PKNOX2: variants seen among roughly 807,000 people sequenced by gnomAD.
PKNOX2 encodes the protein homeobox protein PKNOX2.
Under a neutral mutation model 53.1 loss-of-function variants are expected in PKNOX2, and 14 were observed. That is an observed-to-expected ratio of 0.26 (90% CI 0.17 to 0.41). The LOEUF is 0.41. PKNOX2 is among the 10% of genes least tolerant of loss of function. The pLI, the probability that PKNOX2 is intolerant of heterozygous loss-of-function variation, is 1.00. For synonymous variants in PKNOX2, 257 were observed against 242.8 expected (o/e 1.06, Z -0.54); for missense variants, 496 against 602.8 (o/e 0.82, Z 1.85).
At chr11:125,190,438 AT>A (rs1217861716) in intron 1 of PKNOX2, among the ~76,000 whole-genome samples, 2 of 152,046 alleles carry the variant, frequency 1.3e-5, no homozygotes, top group African/African-American at 4.8e-5. Flanking sequence ...CTTACTTCCT[AT>A]TCGTTCTGCG....
At chr11:125,406,519 A>C (rs1955110175) in intron 7 of PKNOX2, among the ~76,000 whole-genome samples, 2 of 152,300 alleles carry the variant, frequency 1.3e-5, no homozygotes, top group African/African-American at 4.8e-5. Context: ...TCCCTAGTTG[A>C]GTGACCTTAG....
At chr11:125,406,211 G>A (rs2135513110) in intron 7 of PKNOX2, among the ~76,000 whole-genome samples, 1 of 152,286 alleles carries the variant, frequency 6.6e-6, no homozygotes, top group South Asian at 2.1e-4. Flanking sequence ...CGCTGCTCTG[G>A]AAGTTCCTTC....
At chr11:125,294,517 G>A (rs377611324) in intron 2 of PKNOX2, among the ~76,000 whole-genome samples, 1 of 152,220 alleles carries the variant, frequency 6.6e-6, no homozygotes, top group Non-Finnish European at 1.5e-5. Context: ...GGAGGCAGAG[G>A]TTAGGGGACA....
At chr11:125,263,880 G>A (rs1945090923) in intron 2 of PKNOX2, among the ~76,000 whole-genome samples, 1 of 152,184 alleles carries the variant, frequency 6.6e-6, no homozygotes, top group South Asian at 2.1e-4. Flanking sequence ...GTTCAGAGCT[G>A]GGAGGACAAA....
At chr11:125,207,206 T>C (rs1240544729) in intron 1 of PKNOX2, among the ~76,000 whole-genome samples, 1 of 152,022 alleles carries the variant, frequency 6.6e-6, no homozygotes. Flanking sequence ...TCTCTCTCTT[T>C]CCCTTCCTTC....
chr11:125,303,279 T>C (rs1948199273), intron 2 of PKNOX2, among the ~76,000 whole-genome samples: 1 of 152,254 alleles, frequency 6.6e-6, no homozygotes, highest in Admixed American at 6.5e-5. Flanking sequence ...CCTGAAGGGA[T>C]GCAGGCAAGT....
chr11:125,186,116 T>C (rs571054066), intron 1 of PKNOX2, among the ~76,000 whole-genome samples: 1 of 178 alleles, frequency 5.6e-3, no homozygotes, highest in Admixed American at 0.062. Context: ...GGTATCTCGT[T>C]ATGGTTTGAT....
At chr11:125,343,907 G>C (rs867453753) in intron 3 of PKNOX2, among the ~76,000 whole-genome samples, 98 of 152,316 alleles carry the variant, frequency 6.4e-4, no homozygotes, top group African/African-American at 5.8e-4. Flanking sequence ...TGGAACTCTG[G>C]CTTCTGTGTG....
chr11:125,378,234 C>T (rs763291584), intron 5 of PKNOX2, among the ~76,000 whole-genome samples: 6 of 152,184 alleles, frequency 3.9e-5, no homozygotes, highest in Non-Finnish European at 5.9e-5. Flanking sequence ...CACTGTGTGC[C>T]GGTAGGGCAT....
intron 1 of PKNOX2, among the ~76,000 whole-genome samples, chr11:125,176,791 C>T (rs2135237170): frequency 6.6e-6 from 1 of 152,298 alleles, no homozygotes; most frequent in Non-Finnish European, 1.5e-5. Context: ...CAGCTGGGCA[C>T]CAGGAGAATG....
At position 125,287,005 on chromosome 11, in the gene PKNOX2, T is replaced by G. The variant is rs982551917; in HGVS notation, c.-129-44814T>G. ...TGGGATCCTGCAGCTCACTTGATCC[T>G]CCAGCTTCTGAGGTCTCTGATGCCT... On this transcript the variant is annotated intron_variant, in intron 2 of 12. Transcript: ENST00000298282. Among the ~76,000 whole-genome samples the G allele has an allele frequency of 2.6e-5, 4 of 152,336 alleles. No homozygotes were observed. In the East Asian group the frequency reaches 5.8e-4, roughly 22 times the overall value.
rs189447904 is a variant in PKNOX2 at position 125,426,527 on chromosome 11, C to T, written c.937-2485C>T. ...TAGCTCTGCTCAAGAAACAAGTCTG[C>T]GTCTCCTTATTGTGCTAGTTCATTC... On this transcript the variant is annotated intron_variant, in intron 10 of 12. Transcript: ENST00000298282. 8.9e-4 allele frequency among the ~76,000 whole-genome samples: 135 copies of T among 152,150 alleles called. 1 individual carries two copies. The highest frequency in any genetic ancestry group is 3.1e-3 in the African/African-American group (129 of 41,538).
rs80255354 is a variant in PKNOX2 at position 125,401,613 on chromosome 11, T to C, written c.588+3551T>C. Among the ~76,000 whole-genome samples, 926 of 152,316 alleles carry C rather than the reference T, an allele frequency of 6.1e-3. 7 individuals carry two copies. Among genetic ancestry groups the C allele is most frequent in the African/African-American group, 0.021 (892 of 41,568 alleles). On this transcript the variant is annotated intron_variant, in intron 7 of 12. Transcript: ENST00000298282. ...TTCCCAGGACAGGCCCCTGTCATTA[T>C]TGCACTAAGGTAGGGGCCGGGCTTG...
intron 2 of PKNOX2, among the ~76,000 whole-genome samples, chr11:125,278,973 C>A (rs992538701): frequency 6.6e-6 from 1 of 152,180 alleles, no homozygotes; most frequent in Non-Finnish European, 1.5e-5. Context: ...GTTTTCCCAG[C>A]CTGGCTGAGC....
At chr11:125,228,338 T>C (rs1326564472) in intron 1 of PKNOX2, among the ~76,000 whole-genome samples, 1 of 152,222 alleles carries the variant, frequency 6.6e-6, no homozygotes, top group Non-Finnish European at 1.5e-5. Flanking sequence ...GGCTACCTTA[T>C]TGCACCATGC....
At chr11:125,380,413 G>A (rs1397955110) in intron 5 of PKNOX2, among the ~76,000 whole-genome samples, 1 of 152,116 alleles carries the variant, frequency 6.6e-6, no homozygotes, top group Non-Finnish European at 1.5e-5. Context: ...GGGGCGGTCG[G>A]GAGGGAGGCG....
At chr11:125,384,096 TG>T (rs1398317790) in intron 5 of PKNOX2, among the ~76,000 whole-genome samples, 2 of 152,248 alleles carry the variant, frequency 1.3e-5, no homozygotes, top group East Asian at 3.8e-4. Context: ...TGCACTCGCA[TG>T]CACACATACT....
intron 1 of PKNOX2, among the ~76,000 whole-genome samples, chr11:125,223,235 C>CTT (rs113417834): frequency 2.1e-5 from 3 of 145,302 alleles, no homozygotes; most frequent in South Asian, 2.2e-4. Flanking sequence ...TCTTTTAGTC[C>CTT]TTTTTTTTTT....
intron 2 of PKNOX2, among the ~76,000 whole-genome samples, chr11:125,278,299 A>T (rs1946319259): frequency 6.6e-6 from 1 of 152,050 alleles, no homozygotes. Flanking sequence ...GAGACATAAG[A>T]GACAAAGCTG....
Sources: allele counts gnomAD v4.1 joint callset (sites outside exome capture counted in the v4.1 genomes callset), GRCh38; gene constraint gnomAD v4.1.1; transcripts MANE v1.5; gene names NCBI Gene and HGNC (gene_info 2026-07-23, HGNC 2026-07-21).